The following CSNK1G2 variants were observed in gnomAD, a reference collection of about 807,000 sequenced individuals.
CSNK1G2 encodes the protein casein kinase I isoform gamma-2.
In CSNK1G2, 11 loss-of-function variants were observed where a neutral mutation model predicts 48.0. The ratio of observed to expected loss-of-function variants is 0.23; its 90% confidence interval spans 0.14 to 0.38. The LOEUF is 0.38. Ranked by LOEUF, CSNK1G2 falls within the 10% of genes least tolerant of loss-of-function variation. CSNK1G2 has a pLI of 1.00. For missense variants in CSNK1G2, 446 were observed against 595.5 expected (o/e 0.75, Z 2.61); for synonymous variants, 337 against 254.1 (o/e 1.33, Z -3.10).
At chr19:1,965,958 G>A (rs2015353227) in intron 1 of CSNK1G2, among the ~76,000 whole-genome samples, 1 of 151,968 alleles carries the variant, frequency 6.6e-6, no homozygotes. Context: ...CGCCATGACT[G>A]GCTAATTTTG....
intron 1 of CSNK1G2, chr19:1,954,846 C>G (rs910524832): frequency 6.6e-6 from 1 of 152,306 alleles, no homozygotes; most frequent in Non-Finnish European, 1.5e-5. Flanking sequence ...GGAGCCGGCA[C>G]TCGCCCCCTG....
chr19:1,980,217 C>T lies in CSNK1G2; in HGVS notation c.*14C>T. The T allele has an allele frequency of 6.2e-7, 1 of 1,612,608 alleles. No individual in the cohort carries two copies. ...CGACACAAGTGACCCTGGGCGCGTG[C>T]AGCCCCCTGAATCTTCTCCGTGCAG... On this transcript the variant is annotated 3_prime_UTR_variant, in exon 12 of 12. Transcript: ENST00000255641.
intron 2 of CSNK1G2, among the ~76,000 whole-genome samples, chr19:1,973,357 A>C (rs970210670): frequency 6.6e-6 from 1 of 151,920 alleles, no homozygotes; most frequent in Non-Finnish European, 1.5e-5. Flanking sequence ...AGTAGATGAG[A>C]TTACAGGTGC....
intron 1 of CSNK1G2, among the ~76,000 whole-genome samples, chr19:1,947,743 G>A (rs1416148431): frequency 2.6e-5 from 4 of 152,226 alleles, no homozygotes; most frequent in South Asian, 4.1e-4. Flanking sequence ...GGTGGTGTGC[G>A]TTTGCGCTGG....
chr19:1,944,888 G>C (rs12608700), intron 1 of CSNK1G2, among the ~76,000 whole-genome samples: 62,680 of 152,226 alleles, frequency 0.41, 15,658 homozygotes, highest in Non-Finnish European at 0.56. Context: ...TCCCTTTGCC[G>C]GGTCCTCCTG....
At chr19:1,967,881 C>G (rs546044344) in intron 1 of CSNK1G2, among the ~76,000 whole-genome samples, 9 of 24,570 alleles carry the variant, frequency 3.7e-4, no homozygotes, top group African/African-American at 1.1e-3. Flanking sequence ...AGGCTGCCCC[C>G]GACCACCCTT....
Position 1,959,419 on chromosome 19 carries a change from C to G in CSNK1G2, c.-265-10089C>G, listed in dbSNP as rs1399109833. ...TCGGGGTGTCTTACCTGCCCGGACACCTGCCTGCGCAGGGTAGCACAGACC... is the reference window on the plus strand; with the variant it reads ...TCGGGGTGTCTTACCTGCCCGGACAGCTGCCTGCGCAGGGTAGCACAGACC... On this transcript the variant is annotated intron_variant, in intron 1 of 11. Transcript: ENST00000255641. 2.0e-5 allele frequency: 3 copies of G among 152,854 alleles called. No individual in the cohort carries two copies. In the Admixed American group the frequency reaches 2.0e-4, roughly 10 times the overall value. The allele number at this position is 152,854 out of a possible 1,614,324, so 9.5% of individuals were successfully genotyped here.
chr19:1,978,418 G>A lies in CSNK1G2; in HGVS notation c.229-24G>A. ...TTTCAGGGCAGCGACCCGGTCCCCT[G>A]GTGACTCGCTCTTGTGCCCCCAGGA... On this transcript the variant is annotated intron_variant, in intron 3 of 11. Transcript: ENST00000255641. The surrounding 1 kb of genome is among the most constrained non-coding windows in gnomAD (Gnocchi z 7.3). 6.2e-7 allele frequency: 1 copy of A among 1,611,760 alleles called. No individual in the cohort carries two copies. The highest frequency in any genetic ancestry group is 2.2e-5 in the East Asian group (1 of 44,828).
chr19:1,960,790 G>A (rs117768034), intron 1 of CSNK1G2, among the ~76,000 whole-genome samples: 2,808 of 152,284 alleles, frequency 0.018, 50 homozygotes, highest in Non-Finnish European at 0.027. Context: ...CTGGGAGGCC[G>A]AGGTAGGACA....
chr19:1,953,043 G>A (rs779082287), intron 1 of CSNK1G2: 5 of 400,720 alleles, frequency 1.2e-5, no homozygotes, highest in African/African-American at 6.7e-5. Context: ...ATGTAGAAAC[G>A]CAGCCCACCC....
rs893242809 is a variant in CSNK1G2, at chr19:1,957,967, G to A, written c.-265-11541G>A. Among the ~76,000 whole-genome samples the A allele has an allele frequency of 2.6e-5, 4 of 152,186 alleles. No individual in the cohort carries two copies. Among genetic ancestry groups the A allele is most frequent in the African/African-American group, 7.2e-5 (3 of 41,440 alleles). Reference sequence around the variant, plus strand: ...CCTCATGTCACCACGTGCTTCCCCCGTGTGCAGGGAGGGGTTGGAGGTGTG... The same window carrying A: ...CCTCATGTCACCACGTGCTTCCCCCATGTGCAGGGAGGGGTTGGAGGTGTG... On this transcript the variant is annotated intron_variant, in intron 1 of 11. Transcript: ENST00000255641. The surrounding 1 kb of genome is among the most constrained non-coding windows in gnomAD (Gnocchi z 5.4).
intron 1 of CSNK1G2, among the ~76,000 whole-genome samples, chr19:1,958,785 C>A (rs1282195243): frequency 1.2e-5 from 1 of 82,598 alleles, no homozygotes. Context: ...GTCCCCCTGT[C>A]CCCCCATCCA....
chr19:1,967,619 AC>A (rs2015405215), intron 1 of CSNK1G2, among the ~76,000 whole-genome samples: 1 of 151,940 alleles, frequency 6.6e-6, no homozygotes, highest in Non-Finnish European at 1.5e-5. Context: ...GGGTTGCACC[AC>A]CCGAGCGTCC....
At chr19:1,968,854 G>C (rs1024398619) in intron 1 of CSNK1G2, 2 of 152,716 alleles carry the variant, frequency 1.3e-5, no homozygotes, top group Non-Finnish European at 2.9e-5. Flanking sequence ...CTCGAGTGGC[G>C]TCCAGCCTGC....
At chr19:1,962,832 A>G (rs994186012) in intron 1 of CSNK1G2, among the ~76,000 whole-genome samples, 1 of 152,106 alleles carries the variant, frequency 6.6e-6, no homozygotes, top group African/African-American at 2.4e-5. Context: ...ACTCCCAGCT[A>G]TGTACCCAGG....
At chr19:1,965,308 A>C (rs1047386980) in intron 1 of CSNK1G2, among the ~76,000 whole-genome samples, 1 of 149,926 alleles carries the variant, frequency 6.7e-6, no homozygotes, top group Non-Finnish European at 1.5e-5. Context: ...GCATGAACCC[A>C]GGAGGCGGAG....
At position 1,979,778 on chromosome 19, in the gene CSNK1G2, C is replaced by G. The variant is rs941860717; in HGVS notation, c.1029C>G (p.Thr343=). The G allele has an allele frequency of 6.2e-7, 1 of 1,606,982 alleles. No individual in the cohort carries two copies. The highest frequency in any genetic ancestry group is 8.5e-7 in the Non-Finnish European group (1 of 1,179,018). The change falls in exon 10 of 12, where the codon ACC becomes ACG. Residue 343 remains threonine (T), a synonymous_variant. Coordinates refer to ENST00000255641, the MANE Select transcript of CSNK1G2 (RefSeq NM_001319.7). ...PLPTPIGTVH[T]DLPSQPQLRD... is the part of the protein sequence containing the mutation. The stretch of plus-strand genomic sequence containing the variant: ...CGACCCCCATCGGCACCGTCCACAC[C>G]GACCTGCCCTCCCAGCCTCAGCTCC...
chr19:1,976,825 C>A (rs532396843), intron 2 of CSNK1G2, among the ~76,000 whole-genome samples: 1 of 152,050 alleles, frequency 6.6e-6, no homozygotes, highest in South Asian at 2.1e-4. Flanking sequence ...CCACAACCTT[C>A]ACCTCCCGGG....
At chr19:1,955,150 C>T (rs964789297) in intron 1 of CSNK1G2, among the ~76,000 whole-genome samples, 2 of 152,122 alleles carry the variant, frequency 1.3e-5, no homozygotes, top group African/African-American at 2.4e-5. Flanking sequence ...GAGTGGTGAC[C>T]GCCTCCAGGG....
Sources: gnomAD v4.1 joint callset for allele counts (sites outside exome capture counted in the v4.1 genomes callset) on GRCh38, gnomAD v4.1.1 for gene constraint, Gnocchi (gnomAD v3.1) non-coding constraint, MANE v1.5 for transcripts, NCBI Gene and HGNC (gene_info 2026-07-23, HGNC 2026-07-21) for gene names.